Variants in TRAK1 observed in about 807,000 individuals in gnomAD.
The protein encoded by TRAK1 is trafficking kinesin-binding protein 1.
Under a neutral mutation model 92.1 loss-of-function variants are expected in TRAK1, and 33 were observed. The observed-to-expected ratio is 0.36, with a 90% confidence interval of 0.27 to 0.48. TRAK1 has a LOEUF of 0.48. TRAK1 is among the 20% of genes least tolerant of loss of function. The pLI is 0.99. For missense variants in TRAK1, 1,123 were observed against 1,257.9 expected, an observed-to-expected ratio of 0.89 and a Z score of 1.62; for synonymous variants, 521 against 517.3, an observed-to-expected ratio of 1.01 and a Z score of -0.10.
At position 42,112,095 on chromosome 3, in the gene TRAK1, A is replaced by G. The variant is rs111853358; in HGVS notation, c.92-13325A>G. On this transcript the variant is annotated intron_variant, in intron 1 of 15. Coordinates refer to ENST00000327628, the MANE Select transcript of TRAK1 (RefSeq NM_001042646.3). ...AGGAAAGTTTGGGAAGAGGAATTCC[A>G]TGAACCTAATGGTAATCTAATCCCT... Among the ~76,000 whole-genome samples the G allele has an allele frequency of 3.2e-3, 463 of 146,622 alleles. 2 individuals carry two copies. The highest frequency in any genetic ancestry group is 1.0e-2 in the African/African-American group (396 of 39,682).
intron 1 of TRAK1, among the ~76,000 whole-genome samples, chr3:42,041,048 GT>G (rs1291252861): frequency 7.1e-6 from 1 of 141,164 alleles, no homozygotes; most frequent in Non-Finnish European, 1.5e-5. Flanking sequence ...CAACTTTGTT[GT>G]TGTTTTTTTT....
At chr3:42,076,711 C>G (rs984533067) in intron 1 of TRAK1, among the ~76,000 whole-genome samples, 1 of 152,102 alleles carries the variant, frequency 6.6e-6, no homozygotes, top group Non-Finnish European at 1.5e-5. Flanking sequence ...TGCCAGGGCT[C>G]ATGTCTAGAA....
At chr3:42,171,701 GGGGTTTTCCTC>G (rs1702581306) in intron 2 of TRAK1, among the ~76,000 whole-genome samples, 2 of 152,180 alleles carry the variant, frequency 1.3e-5, no homozygotes, top group East Asian at 3.9e-4. Flanking sequence ...TTCTTCCCAT[GGGGTTTTCCTC>G]GGGGTCTTCA....
At chr3:42,097,591 T>G (rs561126466) in intron 1 of TRAK1, among the ~76,000 whole-genome samples, 3 of 152,242 alleles carry the variant, frequency 2.0e-5, no homozygotes, top group African/African-American at 4.8e-5. Flanking sequence ...AGATAAATGC[T>G]TAACAGTTTC....
At chr3:42,116,164 C>T (rs1435686983) in intron 1 of TRAK1, among the ~76,000 whole-genome samples, 2 of 152,246 alleles carry the variant, frequency 1.3e-5, no homozygotes, top group Non-Finnish European at 2.9e-5. Flanking sequence ...CGCTACATCC[C>T]GAGGCCTCTT....
intron 2 of TRAK1, among the ~76,000 whole-genome samples, chr3:42,139,491 C>T (rs1033514344): frequency 6.6e-6 from 1 of 152,118 alleles, no homozygotes; most frequent in African/African-American, 2.4e-5. Context: ...GGGAAGTAAT[C>T]AAAGGCAGCC....
At chr3:42,047,329 G>A (rs1702793614) in intron 1 of TRAK1, among the ~76,000 whole-genome samples, 2 of 150,524 alleles carry the variant, frequency 1.3e-5, no homozygotes, top group African/African-American at 2.4e-5. Context: ...CCAAGAAGCT[G>A]GGACTACAGG....
upstream of TRAK1, among the ~76,000 whole-genome samples, chr3:42,085,526 G>A (rs894214950): frequency 7.9e-5 from 12 of 152,184 alleles, no homozygotes; most frequent in East Asian, 3.8e-4. Context: ...GGGATACTCC[G>A]CCTGTAATAG....
chr3:42,098,324 A>C (rs1243057748), intron 1 of TRAK1, among the ~76,000 whole-genome samples: 1 of 152,088 alleles, frequency 6.6e-6, no homozygotes, highest in Admixed American at 6.5e-5. Flanking sequence ...GGCAGCAGGC[A>C]CTTCACGGGT....
chr3:42,092,256 G>T (rs1180922184), intron 1 of TRAK1, among the ~76,000 whole-genome samples: 1 of 152,066 alleles, frequency 6.6e-6, no homozygotes, highest in Non-Finnish European at 1.5e-5. Context: ...AGTGGTTGAT[G>T]ACCCATCTGG....
rs562939634 is a variant in TRAK1, at chr3:42,074,093, A to G, written c.-518-13011A>G. On this transcript the variant is annotated intron_variant, in intron 1 of 16. Coordinates refer to the TRAK1 transcript ENST00000487159. ...GGAATGTCCGATTCTCCACTGGACC[A>G]TGAGCTCCTTTAAGAGCAGTGTTAC... 3.3e-5 allele frequency among the ~76,000 whole-genome samples: 5 copies of G among 152,328 alleles called. No homozygotes were observed. The East Asian group carries it at 7.7e-4, about 24-fold the overall frequency.
chr3:42,130,644 T>C (rs1213280544), intron 2 of TRAK1, among the ~76,000 whole-genome samples: 1 of 152,160 alleles, frequency 6.6e-6, no homozygotes, highest in Non-Finnish European at 1.5e-5. Flanking sequence ...GTTGGACCAA[T>C]GCAGGCAGCT....
In TRAK1 at chr3:42,184,919, G is replaced by T. The variant is rs9682773; in HGVS notation, c.480+118G>T. On this transcript the variant is annotated intron_variant, in intron 4 of 15. Transcript: ENST00000327628. ...GTTGGAAGGACGCTCCCGAGGGCAC[G>T]ACCGCGGCCTGAGCCCAGAACTGTC... The T allele has an allele frequency of 6.0e-4, 591 of 977,814 alleles. 6 individuals are homozygous for T. The East Asian group carries it at 0.012, about 20-fold the overall frequency. The allele number at this position is 977,814 out of a possible 1,614,324, so 60.6% of individuals were successfully genotyped here.
At chr3:42,167,618 C>T (rs544442507) in intron 2 of TRAK1, among the ~76,000 whole-genome samples, 9 of 152,302 alleles carry the variant, frequency 5.9e-5, no homozygotes, top group East Asian at 1.9e-4. Flanking sequence ...CGGTGGCTCA[C>T]GCCTGTAATC....
intron 14 of TRAK1, chr3:42,217,097 C>A: frequency 6.8e-6 from 1 of 146,416 alleles, no homozygotes. Flanking sequence ...CTCTCTCTCT[C>A]TTTTTTTTTT....
intron 2 of TRAK1, among the ~76,000 whole-genome samples, chr3:42,142,921 A>G (rs539390232): frequency 6.6e-6 from 1 of 152,308 alleles, no homozygotes; most frequent in Admixed American, 6.5e-5. Flanking sequence ...TATATACCTT[A>G]TCACTTCTAC....
At chr3:42,192,671 A>G (rs1221309209) in intron 7 of TRAK1, among the ~76,000 whole-genome samples, 1 of 152,224 alleles carries the variant, frequency 6.6e-6, no homozygotes, top group African/African-American at 2.4e-5. Context: ...TGGGTGCAGC[A>G]GGGGATTCCT....
At chr3:42,073,545 A>T (rs1222835461) in intron 1 of TRAK1, among the ~76,000 whole-genome samples, 1 of 152,210 alleles carries the variant, frequency 6.6e-6, no homozygotes, top group African/African-American at 2.4e-5. Context: ...GCTCTAGCAT[A>T]TGATTATTGT....
chr3:42,209,881 A>G lies in TRAK1; in HGVS notation c.1859A>G (p.Asp620Gly). The change falls in exon 14 of 16, where the codon GAC becomes GGC. Residue 620 changes from aspartate to glycine, a missense_variant. Physicochemically the swap from Asp to Gly is moderately conservative, Grantham distance 94. This residue lies in a region of TRAK1 where 36 missense variants were observed against 71.3 expected (regional missense o/e 0.50). Coordinates refer to ENST00000327628, the MANE Select transcript of TRAK1 (RefSeq NM_001042646.3). Reference sequence around the variant, plus strand: ...TTCCGGACGCTGGATGTTGACCTGGACGAAGTGTACTGCCTTAACGACTTT... The same window carrying G: ...TTCCGGACGCTGGATGTTGACCTGGGCGAAGTGTACTGCCTTAACGACTTT... ...KGFRTLDVDLDEVYCLNDFEE... is the reference protein window; with the variant it reads ...KGFRTLDVDLGEVYCLNDFEE... 1.9e-6 allele frequency: 3 copies of G among 1,614,186 alleles called. No individual in the cohort carries two copies. Among genetic ancestry groups the G allele is most frequent in the Non-Finnish European group, 2.5e-6 (3 of 1,180,048 alleles).
Sources: gnomAD v4.1 joint callset for allele counts (sites outside exome capture counted in the v4.1 genomes callset) on GRCh38, gnomAD v4.1.1 for gene constraint, gnomAD v4.1.1 regional missense constraint, MANE v1.5 for transcripts, NCBI Gene and HGNC (gene_info 2026-07-23, HGNC 2026-07-21) for gene names.